Variants in PGM1 observed in about 807,000 individuals in gnomAD.
The protein encoded by PGM1 is phosphoglucomutase-1.
Under a neutral mutation model 55.6 loss-of-function variants are expected in PGM1, and 52 were observed. The observed-to-expected ratio is 0.94, with a 90% CI of 0.75 to 1.18. The LOEUF is 1.18. Ranked by LOEUF, PGM1 falls within the 50% of genes most tolerant of loss-of-function variation. The probability of loss-of-function intolerance (pLI) is 0.00; values close to 1 mark genes in which losing one functional copy is unlikely to be tolerated. For missense variants in PGM1, 724 were observed against 729.3 expected (o/e 0.99, Z 0.08); for synonymous variants, 287 against 271.7 (o/e 1.06, Z -0.55).
chr1:63,643,184 C>T (rs537676217), intron 7 of PGM1, among the ~76,000 whole-genome samples: 44 of 152,324 alleles, frequency 2.9e-4, no homozygotes, highest in African/African-American at 1.1e-3. Context: ...ATAGCCTAGA[C>T]AGAATACGCC....
chr1:63,605,713 A>G (rs1016408381), intron 1 of PGM1, among the ~76,000 whole-genome samples: 5 of 152,048 alleles, frequency 3.3e-5, no homozygotes, highest in Admixed American at 2.6e-4. Context: ...CTGGGACTAC[A>G]GGCATGCACC....
chr1:63,607,864 A>G (rs1051388648), intron 1 of PGM1, among the ~76,000 whole-genome samples: 2 of 152,126 alleles, frequency 1.3e-5, no homozygotes, highest in Non-Finnish European at 1.5e-5. Context: ...TTTTATAGTC[A>G]TGCCTCATTT....
intron 1 of PGM1, among the ~76,000 whole-genome samples, chr1:63,599,727 G>C (rs890142830): frequency 2.6e-5 from 4 of 152,128 alleles, no homozygotes; most frequent in Non-Finnish European, 5.9e-5. Context: ...TGAGGTCAAG[G>C]CTTCAGTGAG....
At chr1:63,646,654 TC>T (rs1219291721) in intron 7 of PGM1, among the ~76,000 whole-genome samples, 1 of 152,176 alleles carries the variant, frequency 6.6e-6, no homozygotes, top group African/African-American at 2.4e-5. Flanking sequence ...TTTGGTGGAA[TC>T]CCGTTTCCCT....
chr1:63,648,490 T>TA (rs747406382), intron 7 of PGM1, 27 bp from the exon 8 acceptor site: 64 of 1,613,734 alleles, frequency 4.0e-5, no homozygotes, highest in Non-Finnish European at 5.0e-5. Context: ...GCACGTTTCT[T>TA]ACAGCAGCTT....
intron 4 of PGM1, among the ~76,000 whole-genome samples, chr1:63,632,394 T>C (rs2269252): frequency 0.25 from 38,574 of 152,074 alleles, 5,090 homozygotes; most frequent in Middle Eastern, 0.38. Context: ...TCTGCCTGGT[T>C]GGAGAAGCCT....
At chr1:63,594,803 A>G (rs1647997689) in intron 1 of PGM1, among the ~76,000 whole-genome samples, 1 of 148,006 alleles carries the variant, frequency 6.8e-6, no homozygotes, top group Non-Finnish European at 1.5e-5. Context: ...AAAAAAAAAA[A>G]AAAAAAAATT....
intron 1 of PGM1, 50 bp downstream of exon 1, chr1:63,593,784 C>T (rs1452187649): frequency 2.6e-6 from 4 of 1,510,124 alleles, no homozygotes; most frequent in South Asian, 1.2e-5. Flanking sequence ...GCGTGTGCGA[C>T]GTGCGGCCCG....
At chr1:63,604,646 G>A (rs1009436317) in intron 1 of PGM1, among the ~76,000 whole-genome samples, 1 of 152,114 alleles carries the variant, frequency 6.6e-6, no homozygotes, top group African/African-American at 2.4e-5. Context: ...AAGAAGAGAA[G>A]GAACACTAGA....
chr1:63,637,361 C>T lies in PGM1; in HGVS notation c.1028+973C>T, dbSNP rs570085420. On this transcript the variant is annotated intron_variant, in intron 6 of 10. Coordinates refer to ENST00000371084, the MANE Select transcript of PGM1 (RefSeq NM_002633.3). ...TCACCCAGCTGGTAAATGGCTGACTCAGGATTTGAACCCAGAGCCTTTGCT... is the reference window on the plus strand; with the variant it reads ...TCACCCAGCTGGTAAATGGCTGACTTAGGATTTGAACCCAGAGCCTTTGCT... Among the ~76,000 whole-genome samples the T allele has an allele frequency of 1.6e-4, 24 of 152,308 alleles. No homozygotes were observed. In the South Asian group the frequency reaches 3.3e-3, roughly 21 times the overall value.
intron 8 of PGM1, 134 bp from the exon 9 acceptor site, chr1:63,651,535 T>G (rs996738798): frequency 8.9e-6 from 7 of 785,798 alleles, no homozygotes; most frequent in Non-Finnish European, 1.5e-5. Flanking sequence ...AGGCCTGTAT[T>G]TTTTTTGCCA....
In PGM1 at chr1:63,654,340, C is replaced by A; in HGVS notation, c.1473C>A (p.Arg491=). The change falls in exon 10 of 11, where the codon CGC becomes CGA. Residue 491 remains arginine, a synonymous_variant. Transcript: ENST00000371084. ...CTGCTTATCTTTTCCAGGGCTTGCG[C>A]CTCATTTTCACAGATGGTTCTCGAA... The part of the protein sequence containing the change: ...DGSISRNQGL[R]LIFTDGSRIV... 6.2e-7 allele frequency: 1 copy of A among 1,613,992 alleles called. No individual in the cohort carries two copies. Among genetic ancestry groups the A allele is most frequent in the Non-Finnish European group, 8.5e-7 (1 of 1,179,878 alleles).
intron 7 of PGM1, among the ~76,000 whole-genome samples, chr1:63,639,927 T>C (rs896437625): frequency 2.0e-5 from 3 of 152,188 alleles, no homozygotes; most frequent in African/African-American, 7.2e-5. Context: ...CTTGATAGAA[T>C]TGGAAGGTAT....
At chr1:63,635,050 G>C in intron 5 of PGM1, 31 bp downstream of exon 5, 1 of 1,586,806 alleles carries the variant, frequency 6.3e-7, no homozygotes, top group Non-Finnish European at 8.7e-7. Flanking sequence ...GTGAACTCTG[G>C]TGCAGGCCAG....
At chr1:63,602,074 G>A (rs1042653748) in intron 1 of PGM1, among the ~76,000 whole-genome samples, 1 of 152,210 alleles carries the variant, frequency 6.6e-6, no homozygotes, top group Non-Finnish European at 1.5e-5. Flanking sequence ...TATGCTAATG[G>A]TGTTGGAACA....
chr1:63,617,593 G>A (rs755352752), intron 1 of PGM1, among the ~76,000 whole-genome samples: 40 of 151,888 alleles, frequency 2.6e-4, no homozygotes, highest in Non-Finnish European at 5.1e-4. Context: ...TGTAATCCCA[G>A]CTCAGGTGGG....
At chr1:63,617,889 T>A (rs1006248463) in intron 1 of PGM1, among the ~76,000 whole-genome samples, 2 of 151,944 alleles carry the variant, frequency 1.3e-5, no homozygotes, top group African/African-American at 2.4e-5. Context: ...GTTTTTTTTT[T>A]ACAAACTCAT....
intron 1 of PGM1, among the ~76,000 whole-genome samples, chr1:63,603,979 T>C (rs1648313102): frequency 6.6e-6 from 1 of 152,230 alleles, no homozygotes. Context: ...ACATTCTTGA[T>C]GCTACTCAGA....
intron 1 of PGM1, among the ~76,000 whole-genome samples, chr1:63,620,915 G>C (rs555781073): frequency 6.6e-6 from 1 of 152,348 alleles, no homozygotes; most frequent in African/African-American, 2.4e-5. Flanking sequence ...CGTTTCTGAA[G>C]ATGAAGTTCA....
Sources: gnomAD v4.1 joint callset for allele counts (sites outside exome capture counted in the v4.1 genomes callset) on GRCh38, gnomAD v4.1.1 for gene constraint, MANE v1.5 for transcripts, NCBI Gene and HGNC (gene_info 2026-07-23, HGNC 2026-07-21) for gene names.